The following RFT1 variants were observed in gnomAD, a reference collection of about 807,000 sequenced individuals.
RFT1 encodes man(5)GlcNAc(2)-PP-dolichol translocation protein RFT1.
Under a neutral mutation model 62.2 loss-of-function variants are expected in RFT1, and 43 were observed. The observed-to-expected ratio is 0.69, with a 90% CI of 0.54 to 0.89. The LOEUF (loss-of-function observed/expected upper bound fraction) is 0.89. RFT1 is among the 40% of genes least tolerant of loss of function. The pLI is 0.00. For synonymous variants in RFT1, 262 were observed against 264.6 expected (o/e 0.99, Z 0.10); for missense variants, 605 against 649.9 (o/e 0.93, Z 0.75).
At chr3:53,075,306 G>A in the RFT1 span, among the ~76,000 whole-genome samples, 1 of 152,200 alleles carries the variant, frequency 6.6e-6, no homozygotes, top group African/African-American at 2.4e-5. Flanking sequence ...GCGGCCATTT[G>A]GAGTGCTCCA....
At chr3:53,086,302 T>C (rs1286092849), downstream of RFT1, among the ~76,000 whole-genome samples, 1 of 152,052 alleles carries the variant, frequency 6.6e-6, no homozygotes, top group Non-Finnish European at 1.5e-5. Context: ...TCTTGTTCAG[T>C]TGCTTTTTTT....
At chr3:53,097,708 C>G (rs1011806576) in intron 11 of RFT1, among the ~76,000 whole-genome samples, 2 of 152,246 alleles carry the variant, frequency 1.3e-5, no homozygotes, top group Admixed American at 1.3e-4. Context: ...CAAGGAGATA[C>G]ACTCCTAGTC....
chr3:53,091,779 CAT>C lies in RFT1; in HGVS notation c.*122_*123del, dbSNP rs1700994873. On this transcript the variant is annotated 3_prime_UTR_variant, in exon 13 of 13. Transcript: ENST00000296292. ...CATGCAGTGGCACTCTCTGGTGCCT[CAT>C]CTCTGGGGTTGCTGTCACTCCGCTG... The C allele has an allele frequency of 8.9e-6, 9 of 1,014,328 alleles. No individual in the cohort carries two copies. The highest frequency in any genetic ancestry group is 1.2e-5 in the Non-Finnish European group (8 of 653,000). The allele number at this position is 1,014,328 out of a possible 1,614,324, so 62.8% of individuals were successfully genotyped here. A position where few individuals can be genotyped will look rare whatever the true frequency, so the allele number is the denominator to read the frequency against.
the RFT1 span, among the ~76,000 whole-genome samples, chr3:53,082,662 T>TG: frequency 1.3e-5 from 2 of 152,108 alleles, no homozygotes; most frequent in African/African-American, 2.4e-5. Context: ...AGATAATAGA[T>TG]GGAGTCTGTT....
chr3:53,079,482 C>G, the RFT1 span, among the ~76,000 whole-genome samples: 1 of 152,300 alleles, frequency 6.6e-6, no homozygotes. Context: ...ATGTGTAATC[C>G]CAGCACTTTG....
the RFT1 span, among the ~76,000 whole-genome samples, chr3:53,075,854 C>G: frequency 2.0e-5 from 3 of 152,150 alleles, no homozygotes; most frequent in Non-Finnish European, 4.4e-5. Flanking sequence ...AAAAGTGGCC[C>G]CATCTGTGAT....
At chr3:53,070,393 G>GGTTTT in the RFT1 span, among the ~76,000 whole-genome samples, 36 of 85,466 alleles carry the variant, frequency 4.2e-4, 5 homozygotes, top group Non-Finnish European at 3.8e-4. Flanking sequence ...CTGTATTATG[G>GGTTTT]TTTTTTTTTT....
At chr3:53,103,684 C>G in intron 10 of RFT1, 2 of 458,200 alleles carry the variant, frequency 4.4e-6, no homozygotes, top group East Asian at 4.5e-5. Context: ...ATTCTAGGCC[C>G]GAGAGGAAAG....
the RFT1 span, among the ~76,000 whole-genome samples, chr3:53,069,118 T>G: frequency 2.0e-5 from 3 of 152,232 alleles, no homozygotes; most frequent in African/African-American, 7.2e-5. Context: ...TTTTGTATTT[T>G]TAGTAGAAAC....
chr3:53,098,502 A>T (rs1463401367), intron 11 of RFT1, among the ~76,000 whole-genome samples: 1 of 151,836 alleles, frequency 6.6e-6, no homozygotes, highest in Non-Finnish European at 1.5e-5. Flanking sequence ...TTACAGAGGC[A>T]GCATGAAAAC....
chr3:53,104,090 A>C lies in RFT1; in HGVS notation c.965T>G (p.Val322Gly). ...CTCCAAGACTGCAGCAGCCACAGCA[A>C]CGTCCTCCTGGGGCCAGGGAAGAGG... is the stretch of plus-strand genomic sequence containing the variant. ...KDATLQKQEDVAVAAAVLESL... is the reference protein window; with the variant it reads ...KDATLQKQEDGAVAAAVLESL... The change falls in exon 10 of 13, where the codon GTT becomes GGT. Residue 322 changes from valine to glycine, a missense_variant. Val to Gly is a moderately radical substitution (Grantham distance 109). Coordinates refer to ENST00000296292, the MANE Select transcript of RFT1 (RefSeq NM_052859.4). 1 of 1,614,210 alleles carries C rather than the reference A, an allele frequency of 6.2e-7. No homozygotes were observed. The highest frequency in any genetic ancestry group is 8.5e-7 in the Non-Finnish European group (1 of 1,180,030).
At chr3:53,093,714 G>A (rs901887633) in intron 11 of RFT1, among the ~76,000 whole-genome samples, 3 of 151,776 alleles carry the variant, frequency 2.0e-5, no homozygotes, top group Admixed American at 6.6e-5. Context: ...GTAGACCCCC[G>A]TCTCTACAAA....
intron 6 of RFT1, among the ~76,000 whole-genome samples, chr3:53,112,323 T>C (rs1701674601): frequency 6.6e-6 from 1 of 152,174 alleles, no homozygotes. Context: ...CCAGGGCCCT[T>C]TTACACAAAG....
At chr3:53,070,526 C>T in the RFT1 span, among the ~76,000 whole-genome samples, 6 of 151,130 alleles carry the variant, frequency 4.0e-5, no homozygotes, top group South Asian at 2.1e-4. Flanking sequence ...CTCAGCTTCC[C>T]GAGTAGCTGG....
the RFT1 span, among the ~76,000 whole-genome samples, chr3:53,082,004 T>C: frequency 1.3e-5 from 2 of 152,138 alleles, no homozygotes; most frequent in African/African-American, 4.8e-5. Flanking sequence ...AGTGCAGCGG[T>C]GTGATCATGG....
Position 53,091,959 on chromosome 3 carries a change from T to A in RFT1, c.1570A>T (p.Ile524Phe), listed in dbSNP as rs772772816. ...GTAFLTETKLIHFLRTQLGVP... is the reference protein window; with the variant it reads ...GTAFLTETKLFHFLRTQLGVP... Reference sequence around the variant, plus strand: ...CCTAACTGAGTCCTGAGGAAATGGATCAGCTTGGTCTCTGTGAGGAATGCT... The same window carrying A: ...CCTAACTGAGTCCTGAGGAAATGGAACAGCTTGGTCTCTGTGAGGAATGCT... Residue 524 changes from isoleucine to phenylalanine, a missense_variant, in exon 13 of 13, where the codon ATC becomes TTC. By Grantham distance (21) the Ile-to-Phe change is conservative. Coordinates refer to ENST00000296292, the MANE Select transcript of RFT1 (RefSeq NM_052859.4). 4.3e-6 allele frequency: 7 copies of A among 1,614,130 alleles called. No individual in the cohort carries two copies. In the African/African-American group the frequency reaches 9.3e-5, roughly 22 times the overall value.
downstream of RFT1, among the ~76,000 whole-genome samples, chr3:53,087,097 G>A (rs1283502700): frequency 6.6e-6 from 1 of 152,176 alleles, no homozygotes; most frequent in African/African-American, 2.4e-5. Flanking sequence ...AATTAGCCAG[G>A]TGTGGTGGTG....
At chr3:53,094,656 T>G (rs1365799889) in intron 11 of RFT1, among the ~76,000 whole-genome samples, 2 of 152,128 alleles carry the variant, frequency 1.3e-5, no homozygotes, top group African/African-American at 4.8e-5. Flanking sequence ...TCAGAAACTA[T>G]CTCAGAAAGG....
intron 9 of RFT1, among the ~76,000 whole-genome samples, chr3:53,104,644 T>C (rs1456538414): frequency 1.3e-5 from 2 of 152,240 alleles, no homozygotes; most frequent in African/African-American, 4.8e-5. Context: ...CTTAGGAAAA[T>C]ATTCCTAAAT....
Sources: allele counts gnomAD v4.1 joint callset (sites outside exome capture counted in the v4.1 genomes callset), GRCh38; gene constraint gnomAD v4.1.1; transcripts MANE v1.5; gene names NCBI Gene and HGNC (gene_info 2026-07-23, HGNC 2026-07-21).